Variants in SH3GL2 observed in about 807,000 individuals in gnomAD.
The protein encoded by SH3GL2 is SH3 domain containing GRB2 like 2, endophilin A1.
In SH3GL2, 24 loss-of-function variants were observed where a neutral mutation model predicts 46.0. The ratio of observed to expected loss-of-function variants is 0.52; its 90% CI spans 0.38 to 0.73. SH3GL2 has a LOEUF of 0.73. SH3GL2 is among the 30% of genes least tolerant of loss of function. The probability of loss-of-function intolerance (pLI) is 0.00; values close to 1 mark genes in which losing one functional copy is unlikely to be tolerated. For missense variants in SH3GL2, 413 were observed against 424.2 expected (o/e 0.97, Z 0.23); for synonymous variants, 196 against 147.1 (o/e 1.33, Z -2.40).
intron 1 of SH3GL2, among the ~76,000 whole-genome samples, chr9:17,697,762 C>G (rs934665869): frequency 6.6e-6 from 1 of 152,206 alleles, no homozygotes; most frequent in African/African-American, 2.4e-5. Context: ...TAAACTGTCT[C>G]ATAGTTTTGC....
chr9:17,756,674 C>T (rs59327077), intron 2 of SH3GL2, among the ~76,000 whole-genome samples: 3,873 of 152,028 alleles, frequency 0.025, 149 homozygotes, highest in African/African-American at 0.088. Context: ...TTTATGGCTG[C>T]ATAGTATTCC....
At chr9:17,638,750 C>T (rs1429516631) in intron 1 of SH3GL2, among the ~76,000 whole-genome samples, 1 of 152,204 alleles carries the variant, frequency 6.6e-6, no homozygotes, top group Non-Finnish European at 1.5e-5. Flanking sequence ...GGCCTCCCCT[C>T]AGCTAAGCTG....
intron 1 of SH3GL2, among the ~76,000 whole-genome samples, chr9:17,672,636 C>T (rs1820502675): frequency 6.6e-6 from 1 of 152,114 alleles, no homozygotes; most frequent in African/African-American, 2.4e-5. Flanking sequence ...GGGAGCCACC[C>T]ACCCCCTTCA....
chr9:17,723,364 C>A (rs1160207055), intron 1 of SH3GL2, among the ~76,000 whole-genome samples: 1 of 152,170 alleles, frequency 6.6e-6, no homozygotes, highest in South Asian at 2.1e-4. Context: ...ATTATTTTTG[C>A]CTTCAGTATC....
chr9:17,595,943 G>A (rs1818562036), intron 1 of SH3GL2, among the ~76,000 whole-genome samples: 1 of 152,180 alleles, frequency 6.6e-6, no homozygotes, highest in East Asian at 1.9e-4. Flanking sequence ...GGGTTTATGG[G>A]TGAGTAGTGT....
chr9:17,606,500 C>T (rs967653416), intron 1 of SH3GL2, among the ~76,000 whole-genome samples: 1 of 152,206 alleles, frequency 6.6e-6, no homozygotes, highest in Admixed American at 6.5e-5. Flanking sequence ...TAGTATCTCC[C>T]TTCCCTTTTG....
intron 1 of SH3GL2, among the ~76,000 whole-genome samples, chr9:17,678,815 G>C (rs1022584426): frequency 6.6e-6 from 1 of 152,134 alleles, no homozygotes; most frequent in Non-Finnish European, 1.5e-5. Context: ...TGTATAAGGT[G>C]TAAGGAAGGG....
At chr9:17,743,600 A>ACACACACACCCC (rs1554645782) in intron 1 of SH3GL2, among the ~76,000 whole-genome samples, 200 of 146,270 alleles carry the variant, frequency 1.4e-3, no homozygotes, top group African/African-American at 4.9e-3. Context: ...ACACACACAC[A>ACACACACACCCC]CCCCAAATAG....
intron 1 of SH3GL2, among the ~76,000 whole-genome samples, chr9:17,620,965 A>G (rs999135569): frequency 6.6e-6 from 1 of 152,224 alleles, no homozygotes; most frequent in Non-Finnish European, 1.5e-5. Flanking sequence ...TTATCAGAAA[A>G]TGAGTTTTTA....
intron 3 of SH3GL2, among the ~76,000 whole-genome samples, chr9:17,770,507 T>G (rs550702459): frequency 6.6e-6 from 1 of 152,120 alleles, no homozygotes; most frequent in South Asian, 2.1e-4. Flanking sequence ...TCCCTTCCCG[T>G]TGGGTGTAGA....
At chr9:17,674,984 G>C (rs570537248) in intron 1 of SH3GL2, among the ~76,000 whole-genome samples, 2 of 152,282 alleles carry the variant, frequency 1.3e-5, no homozygotes, top group Admixed American at 1.3e-4. Flanking sequence ...GGAGCCACCA[G>C]GTTACATTGC....
At chr9:17,791,894 C>T (rs1824140174) in intron 7 of SH3GL2, among the ~76,000 whole-genome samples, 1 of 152,208 alleles carries the variant, frequency 6.6e-6, no homozygotes, top group South Asian at 2.1e-4. Context: ...ATTAGATGTA[C>T]CTCACAGCAG....
chr9:17,639,825 G>T (rs1383150081), intron 1 of SH3GL2, among the ~76,000 whole-genome samples: 2 of 152,172 alleles, frequency 1.3e-5, no homozygotes, highest in African/African-American at 4.8e-5. Flanking sequence ...GAAAAGACAT[G>T]TTGAATCTTA....
intron 1 of SH3GL2, chr9:17,590,407 T>C (rs1026625557): frequency 1.3e-5 from 2 of 152,228 alleles, no homozygotes; most frequent in African/African-American, 2.4e-5. Context: ...GATCTTCTAC[T>C]TCTGATGATG....
At chr9:17,734,971 T>A (rs534853810) in intron 1 of SH3GL2, among the ~76,000 whole-genome samples, 2 of 152,280 alleles carry the variant, frequency 1.3e-5, no homozygotes, top group South Asian at 4.1e-4. Context: ...ATGATATCTT[T>A]ACAAAGTAAT....
intron 1 of SH3GL2, among the ~76,000 whole-genome samples, chr9:17,682,738 C>G (rs962960821): frequency 1.3e-4 from 20 of 151,742 alleles, no homozygotes; most frequent in African/African-American, 4.8e-4. Context: ...TCTATTCCTC[C>G]TTTGAAAAAC....
intron 6 of SH3GL2, among the ~76,000 whole-genome samples, chr9:17,790,547 A>G (rs185321812): frequency 7.2e-4 from 109 of 152,254 alleles, no homozygotes; most frequent in African/African-American, 2.4e-3. Flanking sequence ...GGTGCTCCAA[A>G]TCACAGTGCT....
At chr9:17,620,023 GA>G (rs1189680991) in intron 1 of SH3GL2, among the ~76,000 whole-genome samples, 3 of 151,468 alleles carry the variant, frequency 2.0e-5, no homozygotes, top group Non-Finnish European at 2.9e-5. Flanking sequence ...AATTTAGTAT[GA>G]TTTTTTTTAA....
chr9:17,588,557 G>T (rs976906938), intron 1 of SH3GL2, among the ~76,000 whole-genome samples: 6 of 152,140 alleles, frequency 3.9e-5, no homozygotes, highest in Non-Finnish European at 8.8e-5. Flanking sequence ...TAGTAATGCA[G>T]GCAGCCTCTA....
Sources: allele counts gnomAD v4.1 joint callset (sites outside exome capture counted in the v4.1 genomes callset), GRCh38; gene constraint gnomAD v4.1.1; transcripts MANE v1.5; gene names NCBI Gene and HGNC (gene_info 2026-07-23, HGNC 2026-07-21).